GALNTL6: variants seen among roughly 807,000 people sequenced by gnomAD.
GALNTL6 encodes the protein polypeptide N-acetylgalactosaminyltransferase-like 6.
A neutral mutation model predicts 73.7 loss-of-function variants in GALNTL6; 46 were observed. The ratio of observed to expected loss-of-function variants is 0.62; its 90% CI spans 0.49 to 0.80. The LOEUF (loss-of-function observed/expected upper bound fraction) is 0.80, where lower values mean the gene tolerates loss of function less well. Among genes scored for constraint, GALNTL6 ranks in the 30% least tolerant of loss-of-function variants. GALNTL6 has a pLI of 0.00. For missense variants in GALNTL6, 604 were observed against 755.0 expected (o/e 0.80, Z 2.34); for synonymous variants, 259 against 263.7 (o/e 0.98, Z 0.17).
intron 5 of GALNTL6, among the ~76,000 whole-genome samples, chr4:172,589,495 A>T (rs1021094902): frequency 6.6e-6 from 1 of 152,196 alleles, no homozygotes; most frequent in Non-Finnish European, 1.5e-5. Flanking sequence ...GAAGGCAAGC[A>T]TTAAGACTAA....
intron 2 of GALNTL6, among the ~76,000 whole-genome samples, chr4:171,886,158 CTT>C (rs1188309014): frequency 3.3e-5 from 5 of 151,686 alleles, no homozygotes; most frequent in Admixed American, 6.6e-5. Flanking sequence ...AAATAAGAAA[CTT>C]AATAAAAATC....
chr4:172,882,976 T>C, intron 8 of GALNTL6, 69 bp downstream of exon 8: 1 of 831,166 alleles, frequency 1.2e-6, no homozygotes, highest in East Asian at 2.5e-5. Flanking sequence ...TATCAGCATG[T>C]TGCTCTGTGA....
chr4:172,189,414 A>G (rs1735506278), intron 2 of GALNTL6, among the ~76,000 whole-genome samples: 1 of 152,144 alleles, frequency 6.6e-6, no homozygotes, highest in Non-Finnish European at 1.5e-5. Context: ...TCCCTTTTGT[A>G]TTCTCAGAAA....
At chr4:172,825,787 C>G (rs1742234376) in intron 7 of GALNTL6, among the ~76,000 whole-genome samples, 2 of 152,144 alleles carry the variant, frequency 1.3e-5, no homozygotes, top group South Asian at 4.2e-4. Flanking sequence ...GCTGAGAGAA[C>G]TGGGATTTGC....
intron 5 of GALNTL6, among the ~76,000 whole-genome samples, chr4:172,528,322 AT>A (rs1561123381): frequency 3.7e-3 from 29 of 7,910 alleles, no homozygotes; most frequent in Admixed American, 7.5e-3. Flanking sequence ...GAAATAAAAT[AT>A]ATATATATAT....
chr4:172,776,457 G>T (rs13144747), intron 5 of GALNTL6, among the ~76,000 whole-genome samples: 79,634 of 152,078 alleles, frequency 0.52, 21,614 homozygotes, highest in East Asian at 0.78. Flanking sequence ...ACTAGCTAAA[G>T]AGGGTGAAAC....
rs145205450 is a variant in GALNTL6, at chr4:172,083,745, C to T, written c.139-145911C>T. Among the ~76,000 whole-genome samples the T allele has an allele frequency of 3.3e-5, 5 of 152,208 alleles. No homozygotes were observed. The East Asian group carries it at 9.6e-4, about 29-fold the overall frequency. ...TAATGTATTAGAGATTTTGTCTATT[C>T]GCTTGTTTTTTTACGTGTCTCTCTC... On this transcript the variant is annotated intron_variant, in intron 2 of 12. Coordinates refer to ENST00000506823, the MANE Select transcript of GALNTL6 (RefSeq NM_001034845.3).
intron 11 of GALNTL6, among the ~76,000 whole-genome samples, chr4:173,014,422 C>T (rs1160418280): frequency 6.6e-6 from 1 of 152,176 alleles, no homozygotes; most frequent in Non-Finnish European, 1.5e-5. Context: ...CAGCAGCAGG[C>T]TCTGATGTCA....
intron 9 of GALNTL6, among the ~76,000 whole-genome samples, chr4:172,949,908 C>CAA (rs533279404): frequency 5.2e-5 from 3 of 57,724 alleles, no homozygotes; most frequent in African/African-American, 7.0e-5. Flanking sequence ...GACTCTGTCT[C>CAA]AAAAAAAAAA....
At chr4:172,693,644 G>C (rs957435517) in intron 5 of GALNTL6, among the ~76,000 whole-genome samples, 1 of 152,092 alleles carries the variant, frequency 6.6e-6, no homozygotes, top group Non-Finnish European at 1.5e-5. Context: ...CGCACTCAAG[G>C]CTCCACCTAT....
Position 171,820,606 on chromosome 4 carries a change from A to G in GALNTL6, c.138+5888A>G, listed in dbSNP as rs542813761. On this transcript the variant is annotated intron_variant, in intron 2 of 12. Transcript: ENST00000506823. ...GGTAGGTAGGGGAATTTGAAGCACC[A>G]TTGAAATGAAGTATTCTAGAAAAGT... is the stretch of plus-strand genomic sequence containing the variant. Among the ~76,000 whole-genome samples, 4 of 152,336 alleles carry G rather than the reference A, an allele frequency of 2.6e-5. No individual in the cohort carries two copies. In the East Asian group the frequency reaches 7.7e-4, roughly 29 times the overall value.
At position 172,711,543 on chromosome 4, in the gene GALNTL6, G is replaced by C. The variant is rs73872703; in HGVS notation, c.554-97818G>C. On this transcript the variant is annotated intron_variant, in intron 5 of 12. Coordinates refer to ENST00000506823, the MANE Select transcript of GALNTL6 (RefSeq NM_001034845.3). ...AGGGAGTCAAAATTGAATGTGTGCCGGGTGAACAAGGTAGGGTTCCAGGAT... is the reference window on the plus strand; with the variant it reads ...AGGGAGTCAAAATTGAATGTGTGCCCGGTGAACAAGGTAGGGTTCCAGGAT... 6.1e-3 allele frequency among the ~76,000 whole-genome samples: 933 copies of C among 152,202 alleles called. 9 individuals are homozygous for C. Among genetic ancestry groups the C allele is most frequent in the African/African-American group, 0.018 (731 of 41,530 alleles).
chr4:172,818,730 C>T (rs1332575597), intron 7 of GALNTL6, among the ~76,000 whole-genome samples: 1 of 152,130 alleles, frequency 6.6e-6, no homozygotes, highest in Non-Finnish European at 1.5e-5. Context: ...TCCTGAGTAG[C>T]TGAGATTACA....
rs549155821 is a variant in GALNTL6, at chr4:172,631,118, G to T, written c.554-178243G>T. 1.4e-3 allele frequency among the ~76,000 whole-genome samples: 215 copies of T among 149,940 alleles called. 1 individual carries two copies. Among genetic ancestry groups the T allele is most frequent in the Admixed American group, 0.012 (182 of 15,028 alleles). On this transcript the variant is annotated intron_variant, in intron 5 of 12. Coordinates refer to ENST00000506823, the MANE Select transcript of GALNTL6 (RefSeq NM_001034845.3). ...ACTGATTGCAACAAAACACAGGGTT[G>T]TTTTTTTTTAACTTTTTTGAATATG...
chr4:172,668,220 G>T (rs1272902449), intron 5 of GALNTL6: 2 of 152,176 alleles, frequency 1.3e-5, no homozygotes, highest in African/African-American at 4.8e-5. Flanking sequence ...TTTGAATGAA[G>T]CAGAATTGAA....
intron 2 of GALNTL6, among the ~76,000 whole-genome samples, chr4:171,988,231 G>C (rs562676405): frequency 6.6e-6 from 1 of 152,302 alleles, no homozygotes; most frequent in East Asian, 1.9e-4. Context: ...AGCATGCCTA[G>C]GAAGGAAAGG....
intron 2 of GALNTL6, among the ~76,000 whole-genome samples, chr4:172,012,026 TAAAGATTA>T (rs1370871604): frequency 6.6e-6 from 1 of 152,004 alleles, no homozygotes; most frequent in Non-Finnish European, 1.5e-5. Flanking sequence ...AGGTGGGCAA[TAAAGATTA>T]AAAGAGTATG....
rs564486095 is a variant in GALNTL6, at chr4:171,903,691, G to T, written c.138+88973G>T. On this transcript the variant is annotated intron_variant, in intron 2 of 12. Transcript: ENST00000506823. Reference sequence around the variant, plus strand: ...TCTGGAGGCTCCACCTCTGGGGGCAGGGCACAGACAAACAAAAAGACAGCA... The same window carrying T: ...TCTGGAGGCTCCACCTCTGGGGGCATGGCACAGACAAACAAAAAGACAGCA... Among the ~76,000 whole-genome samples the T allele has an allele frequency of 5.3e-5, 8 of 151,120 alleles. No individual in the cohort carries two copies. The East Asian group carries it at 1.6e-3, about 30-fold the overall frequency.
chr4:172,491,092 T>C (rs1360507419), intron 5 of GALNTL6, among the ~76,000 whole-genome samples: 1 of 152,094 alleles, frequency 6.6e-6, no homozygotes, highest in Non-Finnish European at 1.5e-5. Context: ...GCATTTTACA[T>C]GTGAGAAAAC....
Sources: allele counts gnomAD v4.1 joint callset (sites outside exome capture counted in the v4.1 genomes callset), GRCh38; gene constraint gnomAD v4.1.1; transcripts MANE v1.5; gene names NCBI Gene and HGNC (gene_info 2026-07-23, HGNC 2026-07-21).